Variants in GLDN observed in about 807,000 individuals in gnomAD.
GLDN encodes collomin.
In GLDN, 47 loss-of-function variants were observed where a neutral mutation model predicts 56.5. The ratio of observed to expected loss-of-function variants is 0.83; its 90% CI spans 0.66 to 1.06. GLDN has a LOEUF of 1.06. GLDN is among the 50% of genes least tolerant of loss of function. GLDN has a pLI of 0.00. For missense variants in GLDN, 782 were observed against 714.3 expected (o/e 1.09, Z -1.08); for synonymous variants, 332 against 278.8 (o/e 1.19, Z -1.90).
intron 4 of GLDN, among the ~76,000 whole-genome samples, chr15:51,389,207 A>G (rs2037964690): frequency 6.6e-6 from 1 of 152,204 alleles, no homozygotes; most frequent in Admixed American, 6.5e-5. Flanking sequence ...TAAATACTCC[A>G]CTATAGTGTT....
rs142511663 is a variant in GLDN, at chr15:51,404,838, G to A, written c.*84G>A. The A allele has an allele frequency of 1.7e-4, 125 of 718,282 alleles. No homozygotes were observed. Among genetic ancestry groups the A allele is most frequent in the Non-Finnish European group, 2.6e-4 (109 of 412,634 alleles). The allele number at this position is 718,282 out of a possible 1,614,324, so 44.5% of individuals were successfully genotyped here. A position where few individuals can be genotyped will look rare whatever the true frequency, so the allele number is the denominator to read the frequency against. ...CCAACAGGAAACTTGTTTTTTTAACGTCAGCCAGATATTTAGAAAATAACC... is the reference window on the plus strand; with the variant it reads ...CCAACAGGAAACTTGTTTTTTTAACATCAGCCAGATATTTAGAAAATAACC... On this transcript the variant is annotated 3_prime_UTR_variant, in exon 10 of 10. Coordinates refer to ENST00000335449, the MANE Select transcript of GLDN (RefSeq NM_181789.4).
intron 3 of GLDN, 67 bp downstream of exon 3, chr15:51,383,520 T>C (rs2037815030): frequency 3.8e-6 from 6 of 1,568,642 alleles, no homozygotes; most frequent in Non-Finnish European, 4.4e-6. Context: ...GATCTCCCTG[T>C]TGGGACAGAT....
chr15:51,372,264 T>G (rs1388553352), intron 1 of GLDN, among the ~76,000 whole-genome samples: 4 of 152,204 alleles, frequency 2.6e-5, no homozygotes, highest in African/African-American at 4.8e-5. Flanking sequence ...GCCCCCTTTC[T>G]CAATACTGCC....
At chr15:51,345,507 A>G (rs912540768) in intron 1 of GLDN, among the ~76,000 whole-genome samples, 30 of 152,256 alleles carry the variant, frequency 2.0e-4, no homozygotes, top group Admixed American at 5.9e-4. Context: ...TGATTCCATA[A>G]TAGTCAAATG....
chr15:51,370,254 G>A (rs1193791852), intron 1 of GLDN, among the ~76,000 whole-genome samples: 1 of 152,204 alleles, frequency 6.6e-6, no homozygotes, highest in East Asian at 1.9e-4. Context: ...TCCTCTGAGT[G>A]TTTCTCACCA....
At position 51,341,945 on chromosome 15, in the gene GLDN, C is replaced by G; in HGVS notation, c.261C>G (p.Ala87=). 1 of 1,597,288 alleles carries G rather than the reference C, an allele frequency of 6.3e-7. No homozygotes were observed. The highest frequency in any genetic ancestry group is 8.5e-7 in the Non-Finnish European group (1 of 1,179,394). The change falls in exon 1 of 10, where the codon GCC becomes GCG. Residue 87 remains alanine (A), a synonymous_variant. Coordinates refer to ENST00000335449, the MANE Select transcript of GLDN (RefSeq NM_181789.4). The part of the protein sequence containing the change: ...RGASAPPQDP[A]SSARNKRSHS... ...CGTCCGCACCACCCCAAGACCCGGCCAGCTCAGCTCGCAACAAGCGCAGCC... is the reference window on the plus strand; with the variant it reads ...CGTCCGCACCACCCCAAGACCCGGCGAGCTCAGCTCGCAACAAGCGCAGCC...
chr15:51,375,731 G>A (rs1383651260), intron 1 of GLDN, among the ~76,000 whole-genome samples: 2 of 152,364 alleles, frequency 1.3e-5, no homozygotes, highest in African/African-American at 4.8e-5. Flanking sequence ...CCCAGGGGCA[G>A]TTTCCACGTG....
chr15:51,374,673 T>C (rs1308103332), intron 1 of GLDN, among the ~76,000 whole-genome samples: 1 of 152,148 alleles, frequency 6.6e-6, no homozygotes, highest in African/African-American at 2.4e-5. Context: ...TCATTTCATA[T>C]ATATGTGTTT....
chr15:51,411,971 A>G (rs2038469986), downstream of GLDN, among the ~76,000 whole-genome samples: 1 of 152,240 alleles, frequency 6.6e-6, no homozygotes. Context: ...CATAGGGTAC[A>G]ATAGTTTTTA....
At chr15:51,369,972 C>G (rs143290956) in intron 1 of GLDN, among the ~76,000 whole-genome samples, 1 of 151,996 alleles carries the variant, frequency 6.6e-6, no homozygotes, top group Non-Finnish European at 1.5e-5. Context: ...ATAAATTAGC[C>G]GGGCATGGTG....
At chr15:51,381,767 G>GTTT (rs144718027) in intron 2 of GLDN, among the ~76,000 whole-genome samples, 130 of 150,900 alleles carry the variant, frequency 8.6e-4, no homozygotes, top group African/African-American at 2.8e-3. Context: ...GATCCCCTAG[G>GTTT]GTTTTTTTTT....
rs190203934 is a variant in GLDN at position 51,375,673 on chromosome 15, G to A, written c.364-1776G>A. 8.5e-5 allele frequency among the ~76,000 whole-genome samples: 13 copies of A among 152,304 alleles called. No individual in the cohort carries two copies. In the East Asian group the frequency reaches 2.5e-3, roughly 29 times the overall value. ...CATGCTGCAGTGACCACCTGCCACA[G>A]GTGGTCATCCAGTGGGGAGTGTCCA... On this transcript the variant is annotated intron_variant, in intron 1 of 9. Coordinates refer to ENST00000335449, the MANE Select transcript of GLDN (RefSeq NM_181789.4).
intron 2 of GLDN, among the ~76,000 whole-genome samples, chr15:51,381,291 A>G (rs1178493569): frequency 1.3e-5 from 2 of 152,138 alleles, no homozygotes; most frequent in African/African-American, 4.8e-5. Flanking sequence ...CTTACAGTCA[A>G]ATTATTCTTT....
rs555060014 is a variant in GLDN at position 51,404,889 on chromosome 15, G to A, written c.*135G>A. 27 of 652,276 alleles carry A rather than the reference G, an allele frequency of 4.1e-5. No homozygotes were observed. The African/African-American group carries it at 4.5e-4, about 11-fold the overall frequency. The allele number at this position is 652,276 out of a possible 1,614,324, so 40.4% of individuals were successfully genotyped here. A position where few individuals can be genotyped will look rare whatever the true frequency, so the allele number is the denominator to read the frequency against. The stretch of plus-strand genomic sequence containing the variant: ...TCAAAAGTGTTTATATGGTCAGTGA[G>A]CCCCGCTTAGTGAAATAGCAACAGA... On this transcript the variant is annotated 3_prime_UTR_variant, in exon 10 of 10. Transcript: ENST00000335449.
intron 4 of GLDN, among the ~76,000 whole-genome samples, chr15:51,391,272 CCT>C (rs150089359): frequency 0.039 from 5,905 of 151,740 alleles, 316 homozygotes; most frequent in African/African-American, 0.12. Context: ...GGAACATTTC[CCT>C]GTTTCACATA....
At chr15:51,398,734 C>T (rs868167647) in intron 6 of GLDN, among the ~76,000 whole-genome samples, 1 of 152,222 alleles carries the variant, frequency 6.6e-6, no homozygotes, top group African/African-American at 2.4e-5. Context: ...AGCTGCTCCT[C>T]TGCTGGGCTG....
chr15:51,366,108 G>A (rs147248065), intron 1 of GLDN, among the ~76,000 whole-genome samples: 377 of 152,314 alleles, frequency 2.5e-3, no homozygotes, highest in Admixed American at 4.9e-3. Flanking sequence ...CTCAGGGTCA[G>A]CTGCAGTAGT....
At chr15:51,379,646 T>A (rs1034787527) in intron 2 of GLDN, among the ~76,000 whole-genome samples, 1 of 152,200 alleles carries the variant, frequency 6.6e-6, no homozygotes, top group African/African-American at 2.4e-5. Context: ...ACCTCAAGTT[T>A]ACATAACTGG....
At chr15:51,366,826 A>AGGTC (rs2037412794) in intron 1 of GLDN, among the ~76,000 whole-genome samples, 1 of 152,046 alleles carries the variant, frequency 6.6e-6, no homozygotes. Context: ...TTAGCCTGGG[A>AGGTC]GGTCGGGGCT....
Sources: allele counts gnomAD v4.1 joint callset (sites outside exome capture counted in the v4.1 genomes callset), GRCh38; gene constraint gnomAD v4.1.1; transcripts MANE v1.5; gene names NCBI Gene and HGNC (gene_info 2026-07-23, HGNC 2026-07-21).